GNAI1: variants seen among roughly 807,000 people sequenced by gnomAD.
GNAI1 encodes the protein G protein subunit alpha i1.
A neutral mutation model predicts 38.9 loss-of-function variants in GNAI1; 11 were observed. The observed-to-expected ratio is 0.28, with a 90% CI of 0.18 to 0.47. The LOEUF is 0.47. Ranked by LOEUF, GNAI1 falls within the 20% of genes least tolerant of loss-of-function variation. The pLI, the probability that GNAI1 is intolerant of heterozygous loss-of-function variation, is 0.99. For missense variants in GNAI1, 317 were observed against 436.9 expected (o/e 0.73, Z 2.45); for synonymous variants, 166 against 145.1 (o/e 1.14, Z -1.04).
At chr7:80,136,252 C>A (rs1049047081) in intron 1 of GNAI1, among the ~76,000 whole-genome samples, 1 of 152,144 alleles carries the variant, frequency 6.6e-6, no homozygotes, top group Non-Finnish European at 1.5e-5. Flanking sequence ...CTTTTGTTTG[C>A]ATGTTTTCTT....
intron 1 of GNAI1, among the ~76,000 whole-genome samples, chr7:80,149,623 G>A (rs1402328840): frequency 6.6e-6 from 1 of 152,068 alleles, no homozygotes; most frequent in Non-Finnish European, 1.5e-5. Context: ...AGAAGTTAAT[G>A]TGCTCCATTT....
intron 1 of GNAI1, among the ~76,000 whole-genome samples, chr7:80,158,508 A>G (rs1787857934): frequency 6.6e-6 from 1 of 152,052 alleles, no homozygotes; most frequent in Non-Finnish European, 1.5e-5. Flanking sequence ...TACGATCGTG[A>G]TTTCACATGA....
At position 80,222,394 on chromosome 7, in the gene GNAI1, T is replaced by C. The variant is rs889790804; in HGVS notation, c.*4901T>C. ...TTCTTCAAATTTAATTTTTTTTTTT[T>C]TTTTTTTCCTGAGACAGAGTTTCGT... On this transcript the variant is annotated 3_prime_UTR_variant, in exon 8 of 8. Transcript: ENST00000649796. Among the ~76,000 whole-genome samples, 1 of 150,950 alleles carries C rather than the reference T, an allele frequency of 6.6e-6. No individual in the cohort carries two copies. Among genetic ancestry groups the C allele is most frequent in the Non-Finnish European group, 1.5e-5 (1 of 67,722 alleles).
At chr7:80,137,317 C>CTTTTTTT (rs398005254) in intron 1 of GNAI1, among the ~76,000 whole-genome samples, 880 of 53,578 alleles carry the variant, frequency 0.016, 57 homozygotes, top group African/African-American at 0.04. Flanking sequence ...CTTTTCTTTT[C>CTTTTTTT]TTTTTTTTTT....
At chr7:80,183,697 T>G (rs1788336933) in intron 1 of GNAI1, among the ~76,000 whole-genome samples, 1 of 152,144 alleles carries the variant, frequency 6.6e-6, no homozygotes, top group Admixed American at 6.5e-5. Context: ...TTTTAAACTT[T>G]ACCAGCAGAT....
In GNAI1 at chr7:80,221,083, A is replaced by G. The variant is rs1407529795; in HGVS notation, c.*3590A>G. Among the ~76,000 whole-genome samples the G allele has an allele frequency of 6.6e-6, 1 of 152,190 alleles. No individual in the cohort carries two copies. The highest frequency in any genetic ancestry group is 1.9e-4 in the East Asian group (1 of 5,190). ...TACTGTAATCATTATTACAGATGGT[A>G]GCATCATCATTGCTTAGTGTGTTAT... On this transcript the variant is annotated 3_prime_UTR_variant, in exon 8 of 8. Coordinates refer to ENST00000649796, the MANE Select transcript of GNAI1 (RefSeq NM_002069.6).
At chr7:80,162,233 T>G (rs1434141667) in intron 1 of GNAI1, among the ~76,000 whole-genome samples, 1 of 152,140 alleles carries the variant, frequency 6.6e-6, no homozygotes, top group Admixed American at 6.5e-5. Flanking sequence ...GATCTGAGAC[T>G]TCTAGTTTCC....
intron 1 of GNAI1, among the ~76,000 whole-genome samples, chr7:80,180,422 A>G (rs1415109728): frequency 6.6e-6 from 1 of 152,128 alleles, no homozygotes; most frequent in Non-Finnish European, 1.5e-5. Context: ...CACTTGCGAT[A>G]TGATTCTTTT....
intron 1 of GNAI1, among the ~76,000 whole-genome samples, chr7:80,177,968 C>A (rs1394087559): frequency 6.6e-6 from 1 of 152,102 alleles, no homozygotes; most frequent in African/African-American, 2.4e-5. Context: ...ATTCTAGATG[C>A]CATGAAAAAC....
At chr7:80,148,735 G>C (rs1787671973) in intron 1 of GNAI1, among the ~76,000 whole-genome samples, 1 of 152,076 alleles carries the variant, frequency 6.6e-6, no homozygotes, top group Admixed American at 6.6e-5. Context: ...ATAAGGGTTT[G>C]TCTTTATTTC....
intron 1 of GNAI1, chr7:80,136,135 C>G: frequency 1.4e-6 from 1 of 703,430 alleles, no homozygotes; most frequent in Non-Finnish European, 1.7e-6. Context: ...ACGTGGAGGT[C>G]TTTTCCAAAT....
chr7:80,135,808 T>C, intron 1 of GNAI1: 1 of 985,508 alleles, frequency 1.0e-6, no homozygotes. Context: ...GCGTCTTTCC[T>C]GTTAACTTCC....
chr7:80,181,869 A>T (rs1313933006), intron 1 of GNAI1, among the ~76,000 whole-genome samples: 2 of 152,194 alleles, frequency 1.3e-5, no homozygotes, highest in Non-Finnish European at 2.9e-5. Flanking sequence ...TCTTGCATAC[A>T]TACCATTTTT....
intron 1 of GNAI1, among the ~76,000 whole-genome samples, chr7:80,150,540 A>C (rs773688481): frequency 9.2e-5 from 14 of 152,196 alleles, no homozygotes; most frequent in African/African-American, 1.4e-4. Flanking sequence ...ACTGTAAATA[A>C]ATGCAGGGAG....
intron 1 of GNAI1, among the ~76,000 whole-genome samples, chr7:80,139,293 C>G (rs531681759): frequency 4.8e-4 from 73 of 152,316 alleles, no homozygotes; most frequent in South Asian, 3.3e-3. Flanking sequence ...GTCTTTCCCT[C>G]TAGCCTGTTC....
At chr7:80,193,137 CGTT>C (rs1344378937) in intron 3 of GNAI1, among the ~76,000 whole-genome samples, 1 of 151,976 alleles carries the variant, frequency 6.6e-6, no homozygotes, top group East Asian at 1.9e-4. Context: ...CATTTCATTC[CGTT>C]GTTCTTTTGC....
chr7:80,205,029 A>G (rs192349993), intron 5 of GNAI1, among the ~76,000 whole-genome samples: 1 of 152,262 alleles, frequency 6.6e-6, no homozygotes, highest in African/African-American at 2.4e-5. Flanking sequence ...CTAGTTTCTT[A>G]TAATTCACAT....
intron 5 of GNAI1, among the ~76,000 whole-genome samples, chr7:80,209,315 A>G (rs1788832703): frequency 6.6e-6 from 1 of 152,206 alleles, no homozygotes; most frequent in Admixed American, 6.5e-5. Context: ...AAGGCTAACA[A>G]GTCCGAAGTT....
chr7:80,152,595 C>G (rs1027272234), intron 1 of GNAI1, among the ~76,000 whole-genome samples: 3 of 122,308 alleles, frequency 2.5e-5, no homozygotes, highest in Non-Finnish European at 4.8e-5. Flanking sequence ...CGTAGTCTTG[C>G]TCTTGCCCAC....
Sources: allele counts gnomAD v4.1 joint callset (sites outside exome capture counted in the v4.1 genomes callset), GRCh38; gene constraint gnomAD v4.1.1; transcripts MANE v1.5; gene names NCBI Gene and HGNC (gene_info 2026-07-23, HGNC 2026-07-21).